The following INTS13 variants were observed in gnomAD, a reference collection of about 807,000 sequenced individuals.
INTS13 encodes the protein asunder, spermatogenesis regulator homolog (Drosphila).
Under a neutral mutation model 90.2 loss-of-function variants are expected in INTS13, and 35 were observed. The observed-to-expected ratio is 0.39, with a 90% CI of 0.30 to 0.51. The LOEUF (loss-of-function observed/expected upper bound fraction) is 0.51. INTS13 is among the 20% of genes least tolerant of loss of function. The pLI is 0.80. For missense variants in INTS13, 601 were observed against 851.2 expected (o/e 0.71, Z 3.66); for synonymous variants, 309 against 277.1 (o/e 1.11, Z -1.14).
rs184096223 is a variant in INTS13 at position 26,923,553 on chromosome 12, A to C, written c.804+802T>G. 3.5e-4 allele frequency among the ~76,000 whole-genome samples: 54 copies of C among 152,320 alleles called. 1 individual carries two copies. The highest frequency in any genetic ancestry group is 2.7e-3 in the Admixed American group (42 of 15,296). On this transcript the variant is annotated intron_variant, in intron 7 of 16. Transcript: ENST00000261191. ...TTTGTAAACATAATCAATACAATTA[A>C]ATTCCATTCCACTCAGTAAAAACCC...
At chr12:26,937,756 TG>T (rs1164682711) in intron 1 of INTS13, 39 bp downstream of exon 1, 1 of 152,614 alleles carries the variant, frequency 6.6e-6, no homozygotes, top group African/African-American at 2.4e-5. Flanking sequence ...AAATACAAGG[TG>T]AGTGGATAGG....
At chr12:26,913,426 C>T (rs1951846537) in intron 14 of INTS13, 31 bp downstream of exon 14, 1 of 1,552,638 alleles carries the variant, frequency 6.4e-7, no homozygotes, top group Non-Finnish European at 8.9e-7. Context: ...ACAAAAGGCA[C>T]CATGGTGCTA....
intron 3 of INTS13, among the ~76,000 whole-genome samples, chr12:26,930,188 T>C (rs1051393890): frequency 6.6e-6 from 1 of 152,332 alleles, no homozygotes; most frequent in Non-Finnish European, 1.5e-5. Flanking sequence ...AAACATACCA[T>C]GCTCATGGAT....
intron 14 of INTS13, among the ~76,000 whole-genome samples, chr12:26,913,081 G>A (rs1951831652): frequency 6.6e-6 from 1 of 152,042 alleles, no homozygotes; most frequent in African/African-American, 2.4e-5. Flanking sequence ...GTTCTTCAAG[G>A]GTAGGGATCT....
intron 16 of INTS13, among the ~76,000 whole-genome samples, chr12:26,906,012 T>A (rs1251376138): frequency 2.0e-5 from 3 of 152,168 alleles, no homozygotes; most frequent in Non-Finnish European, 4.4e-5. Flanking sequence ...CTCTGTTATT[T>A]TACAGAGACT....
chr12:26,927,309 T>C (rs1407804105), intron 5 of INTS13, among the ~76,000 whole-genome samples: 1 of 152,200 alleles, frequency 6.6e-6, no homozygotes, highest in Non-Finnish European at 1.5e-5. Context: ...CTTGTGGAAC[T>C]GAGTCTGCAA....
chr12:26,919,802 T>C (rs1001551467), intron 8 of INTS13, among the ~76,000 whole-genome samples: 11 of 152,018 alleles, frequency 7.2e-5, no homozygotes, highest in Admixed American at 2.0e-4. Flanking sequence ...GAGAGACATC[T>C]AAGAGATACA....
In INTS13 at chr12:26,916,178, G is replaced by A. The variant is rs1951930602; in HGVS notation, c.1072C>T (p.Arg358Cys). ...CGTGGTTGTTCCAATAAAACAGAAC[G>A]ACCTGTCAAAAACAAGATTACACTA... ...SCLTNFLLNGRSVLLEQPRKS... is the reference protein window; with the variant it reads ...SCLTNFLLNGCSVLLEQPRKS... The change falls in exon 11 of 17, where the codon CGT (arginine) becomes TGT (cysteine). Residue 358 changes from arginine to cysteine, a missense_variant and splice_region_variant. This residue lies in a region of INTS13 where 89 missense variants were observed against 191.0 expected (regional missense o/e 0.47). Transcript: ENST00000261191. 1 of 1,603,734 alleles carries A rather than the reference G, an allele frequency of 6.2e-7. No homozygotes were observed. The highest frequency in any genetic ancestry group is 8.5e-7 in the Non-Finnish European group (1 of 1,175,664).
intron 8 of INTS13, among the ~76,000 whole-genome samples, chr12:26,921,072 G>T (rs575232285): frequency 6.6e-6 from 1 of 152,300 alleles, no homozygotes; most frequent in Non-Finnish European, 1.5e-5. Context: ...TTTTAGAATT[G>T]AATGGAATAC....
At chr12:26,924,803 G>A (rs1284969022) in intron 6 of INTS13, among the ~76,000 whole-genome samples, 9 of 152,030 alleles carry the variant, frequency 5.9e-5, no homozygotes, top group Admixed American at 1.3e-4. Context: ...CAATTTTTAC[G>A]TCTTTTTATC....
intron 11 of INTS13, among the ~76,000 whole-genome samples, chr12:26,915,227 A>AAAAC (rs1358680068): frequency 1.3e-5 from 2 of 152,176 alleles, no homozygotes; most frequent in Admixed American, 6.5e-5. Context: ...ACTCTGTCTC[A>AAAAC]AAACAAACAA....
chr12:26,931,455 A>G (rs1362580234), intron 3 of INTS13, among the ~76,000 whole-genome samples: 1 of 151,702 alleles, frequency 6.6e-6, no homozygotes, highest in Non-Finnish European at 1.5e-5. Context: ...AAATAAATAA[A>G]AGAAAAAGAA....
intron 3 of INTS13, among the ~76,000 whole-genome samples, chr12:26,933,559 G>A (rs1046909937): frequency 6.6e-6 from 1 of 152,102 alleles, no homozygotes; most frequent in Non-Finnish European, 1.5e-5. Context: ...TCAGCAAGGG[G>A]CAAGGTAAAC....
rs369730686 is a variant in INTS13 at position 26,914,116 on chromosome 12, C to T, written c.1432G>A (p.Ala478Thr). The part of the protein sequence containing the change: ...IFNMQAVVPL[A>T]SVIVKESLTE... ...AGAGATTCTTTCACAATAACACTGG[C>T]TAATGGAACTACCTGTTAGATTTTT... The change falls in exon 13 of 17, where the codon GCC (alanine) becomes ACC (threonine). Residue 478 changes from alanine (A) to threonine (T), a missense_variant. Physicochemically the swap from Ala to Thr is moderately conservative, Grantham distance 58. Around this residue, in one of 3 missense-constraint regions of INTS13, gnomAD observed 228 missense variants for 272.5 expected, o/e 0.84. Transcript: ENST00000261191. The T allele has an allele frequency of 5.7e-6, 9 of 1,584,412 alleles. No homozygotes were observed. Among genetic ancestry groups the T allele is most frequent in the Non-Finnish European group, 7.7e-6 (9 of 1,171,566 alleles).
chr12:26,911,328 G>C lies in INTS13; in HGVS notation c.1806-11C>G, dbSNP rs928102110. On this transcript the variant is annotated splice_polypyrimidine_tract_variant and intron_variant, in intron 14 of 16. Coordinates refer to ENST00000261191, the MANE Select transcript of INTS13 (RefSeq NM_018164.3). Reference sequence around the variant, plus strand: ...AAGATTCCTTTTAATCTTTTAGAGGGACAAATAATGAAATGTAAAGTTCAA... The same window carrying C: ...AAGATTCCTTTTAATCTTTTAGAGGCACAAATAATGAAATGTAAAGTTCAA... 1.3e-6 allele frequency: 2 copies of C among 1,590,420 alleles called. No homozygotes were observed. The highest frequency in any genetic ancestry group is 1.7e-6 in the Non-Finnish European group (2 of 1,172,226).
intron 10 of INTS13, among the ~76,000 whole-genome samples, chr12:26,916,698 C>T (rs115009785): frequency 1.3e-5 from 2 of 152,232 alleles, no homozygotes; most frequent in African/African-American, 4.8e-5. Flanking sequence ...ATGACATAAC[C>T]TTATGATAAA....
At chr12:26,927,226 C>A (rs778517269) in intron 5 of INTS13, among the ~76,000 whole-genome samples, 4 of 152,190 alleles carry the variant, frequency 2.6e-5, no homozygotes, top group Non-Finnish European at 5.9e-5. Context: ...TGTGGAAACA[C>A]CTAACTTGTA....
chr12:26,914,355 A>G, intron 12 of INTS13, 53 bp downstream of exon 12: 1 of 1,483,834 alleles, frequency 6.7e-7, no homozygotes, highest in Non-Finnish European at 9.1e-7. Context: ...ATTGATTTCT[A>G]TAAAGAATAT....
chr12:26,910,036 C>G (rs971884771), intron 15 of INTS13, among the ~76,000 whole-genome samples: 1 of 152,282 alleles, frequency 6.6e-6, no homozygotes, highest in African/African-American at 2.4e-5. Context: ...ATTTCAGGAG[C>G]TGCCAATCCC....
Sources: allele counts gnomAD v4.1 joint callset (sites outside exome capture counted in the v4.1 genomes callset), GRCh38; gene constraint gnomAD v4.1.1; regional missense constraint gnomAD v4.1.1; transcripts MANE v1.5; gene names NCBI Gene and HGNC (gene_info 2026-07-23, HGNC 2026-07-21).